Variants in NXPE2 observed in about 807,000 individuals in gnomAD.
NXPE2 encodes the protein neurexophilin and PC-esterase domain family member 2.
In NXPE2, 34 loss-of-function variants were observed where a neutral mutation model predicts 34.4. The observed-to-expected ratio is 0.99, with a 90% CI of 0.75 to 1.31. The LOEUF (loss-of-function observed/expected upper bound fraction) is 1.31, where lower values mean the gene tolerates loss of function less well. NXPE2 is among the 40% of genes most tolerant of loss of function. NXPE2 has a pLI of 0.00. For missense variants in NXPE2, 649 were observed against 672.5 expected (o/e 0.97, Z 0.39); for synonymous variants, 235 against 231.3 (o/e 1.02, Z -0.15).
chr11:114,786,108 G>C, the NXPE2 span, among the ~76,000 whole-genome samples: 1 of 152,218 alleles, frequency 6.6e-6, no homozygotes, highest in African/African-American at 2.4e-5. Flanking sequence ...ACCTATGCTA[G>C]TTGAGGAGCC....
At chr11:114,506,761 A>T in the NXPE2 span, among the ~76,000 whole-genome samples, 1 of 152,284 alleles carries the variant, frequency 6.6e-6, no homozygotes, top group South Asian at 2.1e-4. Flanking sequence ...ATAACACTAA[A>T]CACCCATATC....
At chr11:114,595,089 A>G in the NXPE2 span, among the ~76,000 whole-genome samples, 93 of 152,284 alleles carry the variant, frequency 6.1e-4, no homozygotes, top group African/African-American at 2.1e-3. Flanking sequence ...TTTGTCACCT[A>G]TCAGGTTCCC....
At chr11:114,807,559 AG>A in the NXPE2 span, among the ~76,000 whole-genome samples, 1 of 151,642 alleles carries the variant, frequency 6.6e-6, no homozygotes, top group Non-Finnish European at 1.5e-5. Flanking sequence ...CTGATAAAAC[AG>A]ACTTTAAACC....
the NXPE2 span, among the ~76,000 whole-genome samples, chr11:114,554,950 G>A: frequency 6.6e-6 from 1 of 152,008 alleles, no homozygotes; most frequent in African/African-American, 2.4e-5. Flanking sequence ...CTTCCTGGAT[G>A]ACCTCAAGGT....
the NXPE2 span, among the ~76,000 whole-genome samples, chr11:114,516,878 C>T: frequency 2.0e-5 from 3 of 152,140 alleles, no homozygotes; most frequent in East Asian, 1.9e-4. Context: ...TCCTCTGGGA[C>T]GCTTTCCCCA....
the NXPE2 span, among the ~76,000 whole-genome samples, chr11:114,650,540 G>A: frequency 2.6e-5 from 4 of 152,132 alleles, no homozygotes. Flanking sequence ...AATGGAGGAA[G>A]GGCAAGTACT....
At chr11:114,709,846 G>A (rs1404954636), downstream of NXPE2, among the ~76,000 whole-genome samples, 1 of 151,442 alleles carries the variant, frequency 6.6e-6, no homozygotes, top group Non-Finnish European at 1.5e-5. Context: ...AGGTTGCAGT[G>A]AGCCAAGATC....
chr11:114,575,518 CA>C, the NXPE2 span, among the ~76,000 whole-genome samples: 1 of 151,946 alleles, frequency 6.6e-6, no homozygotes, highest in African/African-American at 2.4e-5. Flanking sequence ...TTAATATACA[CA>C]AATCAGTAGC....
chr11:114,522,776 A>ATT, the NXPE2 span: 1 of 807,500 alleles, frequency 1.2e-6, no homozygotes, highest in South Asian at 1.7e-5. Flanking sequence ...AGAGAGCCAA[A>ATT]TGAAGTAAAA....
the NXPE2 span, among the ~76,000 whole-genome samples, chr11:114,611,422 C>T: frequency 6.6e-6 from 1 of 151,168 alleles, no homozygotes; most frequent in South Asian, 2.1e-4. Flanking sequence ...TAAGTATTGC[C>T]TCTAGGGTAA....
At chr11:114,663,630 T>TTTCTATC in the NXPE2 span, among the ~76,000 whole-genome samples, 1 of 109,624 alleles carries the variant, frequency 9.1e-6, no homozygotes, top group African/African-American at 3.3e-5. Flanking sequence ...TCTATCTATC[T>TTTCTATC]ATCTATCATC....
chr11:114,612,440 A>G, the NXPE2 span, among the ~76,000 whole-genome samples: 3 of 151,874 alleles, frequency 2.0e-5, no homozygotes, highest in Admixed American at 1.3e-4. Flanking sequence ...CTCGTGGGTC[A>G]CCACTGCTAC....
chr11:114,812,009 T>C, the NXPE2 span, among the ~76,000 whole-genome samples: 8 of 152,222 alleles, frequency 5.3e-5, no homozygotes, highest in Non-Finnish European at 1.0e-4. Flanking sequence ...ATAGCCATTA[T>C]TATCACAAAA....
the NXPE2 span, among the ~76,000 whole-genome samples, chr11:114,718,406 A>G: frequency 6.6e-6 from 1 of 152,240 alleles, no homozygotes; most frequent in African/African-American, 2.4e-5. Context: ...ACACACATTG[A>G]AATCTACTAT....
chr11:114,742,185 C>T, the NXPE2 span, among the ~76,000 whole-genome samples: 1 of 152,134 alleles, frequency 6.6e-6, no homozygotes, highest in South Asian at 2.1e-4. Flanking sequence ...GTCAGTTCCA[C>T]AGCACTTGTT....
the NXPE2 span, among the ~76,000 whole-genome samples, chr11:114,739,139 A>G: frequency 1.3e-5 from 2 of 152,184 alleles, no homozygotes; most frequent in African/African-American, 4.8e-5. Context: ...GTGATGCACC[A>G]CACCAGCAGA....
At chr11:114,477,083 T>A in the NXPE2 span, among the ~76,000 whole-genome samples, 5 of 152,300 alleles carry the variant, frequency 3.3e-5, no homozygotes, top group East Asian at 9.6e-4. Context: ...GGTGATTAGA[T>A]AAATATATTG....
chr11:114,637,768 C>T, the NXPE2 span, among the ~76,000 whole-genome samples: 5 of 151,762 alleles, frequency 3.3e-5, no homozygotes, highest in African/African-American at 9.7e-5. Flanking sequence ...AAATTCTTCT[C>T]TTTAAGAATG....
At chr11:114,764,822 G>A in the NXPE2 span, among the ~76,000 whole-genome samples, 3 of 152,088 alleles carry the variant, frequency 2.0e-5, no homozygotes, top group East Asian at 1.9e-4. Context: ...CTCATGCTAC[G>A]TGGCCATTTC....
Sources: gnomAD v4.1 joint callset for allele counts (sites outside exome capture counted in the v4.1 genomes callset) on GRCh38, gnomAD v4.1.1 for gene constraint, MANE v1.5 for transcripts, NCBI Gene and HGNC (gene_info 2026-07-23, HGNC 2026-07-21) for gene names.